SNTG1: variants seen among roughly 807,000 people sequenced by gnomAD.
The protein encoded by SNTG1 is syntrophin gamma 1.
A neutral mutation model predicts 74.7 loss-of-function variants in SNTG1; 39 were observed. The observed-to-expected ratio is 0.52, with a 90% CI of 0.40 to 0.68. The LOEUF is 0.68. Ranked by LOEUF, SNTG1 falls within the 30% of genes least tolerant of loss-of-function variation. SNTG1 has a pLI of 0.00. For synonymous variants in SNTG1, 254 were observed against 217.1 expected (o/e 1.17, Z -1.49); for missense variants, 685 against 609.5 (o/e 1.12, Z -1.30).
chr8:50,164,904 G>A (rs574659208), intron 1 of SNTG1, among the ~76,000 whole-genome samples: 40 of 152,012 alleles, frequency 2.6e-4, no homozygotes, highest in Non-Finnish European at 4.7e-4. Flanking sequence ...CTAACATTTT[G>A]GTCAAAGAAT....
intron 11 of SNTG1, among the ~76,000 whole-genome samples, chr8:50,546,521 C>A (rs1034717371): frequency 4.7e-5 from 7 of 149,712 alleles, no homozygotes; most frequent in Admixed American, 6.6e-5. Context: ...TCCTAATGCT[C>A]TCCCTCCCCC....
intron 1 of SNTG1, among the ~76,000 whole-genome samples, chr8:49,974,442 G>A (rs143112695): frequency 3.3e-5 from 5 of 152,178 alleles, no homozygotes; most frequent in African/African-American, 1.2e-4. Flanking sequence ...TATGCCCAAG[G>A]GCACATAGTT....
chr8:50,722,863 G>T (rs2095491109), intron 17 of SNTG1, among the ~76,000 whole-genome samples: 1 of 151,932 alleles, frequency 6.6e-6, no homozygotes, highest in Admixed American at 6.6e-5. Context: ...AATGTCCAAG[G>T]AATATTTTTA....
chr8:50,677,434 G>A lies in SNTG1; in HGVS notation c.1038+18771G>A, dbSNP rs530853941. On this transcript the variant is annotated intron_variant, in intron 15 of 18. Coordinates refer to ENST00000642720, the MANE Select transcript of SNTG1 (RefSeq NM_018967.5). ...TATCCTTAATGTAAGAAAAAAGCTA[G>A]AAAATGGGTTTTGTTGCACAAATAA... is the stretch of plus-strand genomic sequence containing the variant. Among the ~76,000 whole-genome samples the A allele has an allele frequency of 3.9e-4, 60 of 151,976 alleles. 1 individual carries two copies. The highest frequency in any genetic ancestry group is 1.4e-3 in the African/African-American group (57 of 41,514).
At chr8:50,722,182 A>G (rs888949462) in intron 17 of SNTG1, among the ~76,000 whole-genome samples, 4 of 140,810 alleles carry the variant, frequency 2.8e-5, no homozygotes, top group Admixed American at 1.4e-4. Flanking sequence ...GTGTGTGTAC[A>G]TATATATATT....
intron 11 of SNTG1, among the ~76,000 whole-genome samples, chr8:50,541,099 G>T (rs1410255596): frequency 6.6e-6 from 1 of 151,188 alleles, no homozygotes; most frequent in Non-Finnish European, 1.5e-5. Context: ...CTTTTATTTT[G>T]AAAAAATTGA....
intron 2 of SNTG1, among the ~76,000 whole-genome samples, chr8:50,255,272 C>A (rs2086830629): frequency 6.6e-6 from 1 of 152,116 alleles, no homozygotes; most frequent in Non-Finnish European, 1.5e-5. Context: ...GATTGGTATT[C>A]TTAGCACTGA....
chr8:50,204,655 G>A (rs1317798109), intron 2 of SNTG1, among the ~76,000 whole-genome samples: 4 of 151,948 alleles, frequency 2.6e-5, no homozygotes, highest in Non-Finnish European at 5.9e-5. Flanking sequence ...GTGCCATATT[G>A]GTGTGCTGCA....
In SNTG1 at chr8:50,104,023, T is replaced by C. The variant is rs899014354; in HGVS notation, c.-102-68538T>C. Among the ~76,000 whole-genome samples, 9 of 152,280 alleles carry C rather than the reference T, an allele frequency of 5.9e-5. No individual in the cohort carries two copies. The East Asian group carries it at 9.7e-4, about 16-fold the overall frequency. Reference sequence around the variant, plus strand: ...TCAGGGATATCAGTCTAAAATTCTCTTTTTTGGTTGTGTCTCTGCCCAGCT... The same window carrying C: ...TCAGGGATATCAGTCTAAAATTCTCCTTTTTGGTTGTGTCTCTGCCCAGCT... On this transcript the variant is annotated intron_variant, in intron 1 of 18. Coordinates refer to ENST00000642720, the MANE Select transcript of SNTG1 (RefSeq NM_018967.5).
At chr8:50,539,814 A>G (rs1303147544) in intron 11 of SNTG1, among the ~76,000 whole-genome samples, 1 of 152,188 alleles carries the variant, frequency 6.6e-6, no homozygotes. Context: ...ACAGGGAGAC[A>G]ATGGTTCCAT....
chr8:50,615,171 AG>A lies in SNTG1; in HGVS notation c.849+24256del, dbSNP rs2094877891. Among the ~76,000 whole-genome samples the A allele has an allele frequency of 2.0e-5, 3 of 152,098 alleles. No homozygotes were observed. In the South Asian group the frequency reaches 6.2e-4, roughly 32 times the overall value. On this transcript the variant is annotated intron_variant, in intron 13 of 18. Coordinates refer to ENST00000642720, the MANE Select transcript of SNTG1 (RefSeq NM_018967.5). ...GAGACGGGGTTTCACCAGTTTAGCC[AG>A]GATGGTCTCGATCTCTTGACCTCAT...
chr8:50,062,940 A>G (rs1362360767), intron 1 of SNTG1, among the ~76,000 whole-genome samples: 2 of 152,220 alleles, frequency 1.3e-5, no homozygotes, highest in African/African-American at 4.8e-5. Context: ...CAGAGACTTG[A>G]TTGACCACAG....
chr8:49,974,146 A>G (rs1371623515), intron 1 of SNTG1, among the ~76,000 whole-genome samples: 3 of 152,194 alleles, frequency 2.0e-5, no homozygotes, highest in Non-Finnish European at 4.4e-5. Flanking sequence ...TTATTTTCCT[A>G]TCTGGAAGCA....
intron 1 of SNTG1, among the ~76,000 whole-genome samples, chr8:49,919,332 T>TA (rs1179399358): frequency 2.0e-5 from 3 of 152,128 alleles, no homozygotes; most frequent in African/African-American, 4.8e-5. Context: ...AGTTATTGAC[T>TA]AATATCTGCA....
intron 11 of SNTG1, among the ~76,000 whole-genome samples, chr8:50,544,489 A>G (rs1455283091): frequency 1.3e-5 from 2 of 152,048 alleles, no homozygotes; most frequent in African/African-American, 4.8e-5. Context: ...AAGAGAATGT[A>G]TATTTTTTAA....
At chr8:50,120,706 G>A (rs1015080947) in intron 1 of SNTG1, among the ~76,000 whole-genome samples, 3 of 142,080 alleles carry the variant, frequency 2.1e-5, no homozygotes, top group African/African-American at 7.6e-5. Context: ...ATTGCAATGA[G>A]GTTTCTTCTC....
intron 17 of SNTG1, 28 bp from the exon 18 acceptor site, chr8:50,751,973 C>T (rs771479635): frequency 3.7e-6 from 5 of 1,349,840 alleles, no homozygotes; most frequent in Non-Finnish European, 4.0e-6. Flanking sequence ...ATTCCACCGA[C>T]TTACATTGTT....
intron 13 of SNTG1, among the ~76,000 whole-genome samples, chr8:50,644,868 T>C (rs2095097284): frequency 6.6e-6 from 1 of 151,984 alleles, no homozygotes; most frequent in Non-Finnish European, 1.5e-5. Flanking sequence ...TTGCCTTTTG[T>C]AGGCATTTTG....
At chr8:50,352,387 C>T (rs140258407) in intron 2 of SNTG1, among the ~76,000 whole-genome samples, 138 of 150,294 alleles carry the variant, frequency 9.2e-4, no homozygotes, top group Middle Eastern at 3.4e-3. Flanking sequence ...GTTTTTGGTT[C>T]GTTCTTTCTC....
Sources: allele counts gnomAD v4.1 joint callset (sites outside exome capture counted in the v4.1 genomes callset), GRCh38; gene constraint gnomAD v4.1.1; transcripts MANE v1.5; gene names NCBI Gene and HGNC (gene_info 2026-07-23, HGNC 2026-07-21).